Variants in ARHGAP6 observed in about 807,000 individuals in gnomAD.
The protein encoded by ARHGAP6 is rho GTPase-activating protein 6.
ARHGAP6 carries 16 observed loss-of-function variants against 55.7 expected under a neutral mutation model. The ratio of observed to expected loss-of-function variants is 0.29; its 90% CI spans 0.19 to 0.44. ARHGAP6 has a LOEUF of 0.44. Ranked by LOEUF, ARHGAP6 falls within the 20% of genes least tolerant of loss-of-function variation. The probability of loss-of-function intolerance (pLI) is 1.00; values close to 1 mark genes in which losing one functional copy is unlikely to be tolerated. For synonymous variants in ARHGAP6, 382 were observed against 360.9 expected (o/e 1.06, Z -0.66); for missense variants, 698 against 808.9 (o/e 0.86, Z 1.66).
chrX:11,167,130 A>G (rs1602761769), intron 9 of ARHGAP6, among the ~76,000 whole-genome samples: 1 of 112,159 alleles, frequency 8.9e-6, no homozygotes, highest in African/African-American at 3.2e-5. Context: ...TTCAACCAAT[A>G]TTTATTGTGT....
chrX:11,510,505 C>T (rs1160575427), intron 1 of ARHGAP6, among the ~76,000 whole-genome samples: 1 of 111,302 alleles, frequency 9.0e-6, no homozygotes, highest in African/African-American at 3.3e-5. Flanking sequence ...TACTCTTTTC[C>T]GTGTCACAGC....
chrX:11,489,363 G>T (rs1436604210), intron 1 of ARHGAP6, among the ~76,000 whole-genome samples: 1 of 111,649 alleles, frequency 9.0e-6, no homozygotes, highest in Non-Finnish European at 1.9e-5. Flanking sequence ...AGAAGGTAAG[G>T]AAAGAACGCT....
intron 1 of ARHGAP6, among the ~76,000 whole-genome samples, chrX:11,355,244 C>T (rs2048917790): frequency 8.9e-6 from 1 of 111,931 alleles, no homozygotes; most frequent in African/African-American, 3.2e-5. Flanking sequence ...TGGATTCCAC[C>T]CCAGCCAGAG....
chrX:11,280,434 G>A (rs920760701), intron 1 of ARHGAP6, among the ~76,000 whole-genome samples: 3 of 111,830 alleles, frequency 2.7e-5, no homozygotes, highest in Non-Finnish European at 5.6e-5. Context: ...GCTCACTAGA[G>A]CGTGACTGAA....
At chrX:11,429,705 T>G (rs906852867) in intron 1 of ARHGAP6, among the ~76,000 whole-genome samples, 1 of 111,411 alleles carries the variant, frequency 9.0e-6, no homozygotes, top group Non-Finnish European at 1.9e-5. Flanking sequence ...CTTGGAGGCC[T>G]TCCTTGCTCT....
At chrX:11,637,465 TTTCA>T (rs2052430820) in intron 1 of ARHGAP6, among the ~76,000 whole-genome samples, 1 of 111,957 alleles carries the variant, frequency 8.9e-6, no homozygotes, top group Non-Finnish European at 1.9e-5. Context: ...TAAATTTTGC[TTTCA>T]TTTTCATTCC....
intron 1 of ARHGAP6, among the ~76,000 whole-genome samples, chrX:11,432,008 A>G (rs2049944747): frequency 8.9e-6 from 1 of 111,869 alleles, no homozygotes; most frequent in Admixed American, 9.4e-5. Flanking sequence ...TCTACCCACT[A>G]CATGCCAGTA....
intron 1 of ARHGAP6, among the ~76,000 whole-genome samples, chrX:11,485,940 T>C (rs1332179579): frequency 8.9e-6 from 1 of 112,179 alleles, no homozygotes; most frequent in Non-Finnish European, 1.9e-5. Context: ...CTTTCTTTTA[T>C]ATGTAGAAGC....
intron 2 of ARHGAP6, among the ~76,000 whole-genome samples, chrX:11,213,331 C>A (rs1266485120): frequency 8.9e-6 from 1 of 112,412 alleles, no homozygotes; most frequent in Non-Finnish European, 1.9e-5. Context: ...ATTGTTGACT[C>A]CCTGCTATAG....
At chrX:11,540,306 T>C (rs1201632207) in intron 1 of ARHGAP6, among the ~76,000 whole-genome samples, 2 of 109,107 alleles carry the variant, frequency 1.8e-5, no homozygotes, top group African/African-American at 3.3e-5. Context: ...AGTGCAATAT[T>C]GAAAAGGTTT....
Position 11,186,267 on chromosome X carries a change from C to T in ARHGAP6, c.1242G>A (p.Val414=). 2.5e-6 allele frequency: 3 copies of T among 1,210,608 alleles called. No individual in the cohort carries two copies. Among genetic ancestry groups the T allele is most frequent in the Non-Finnish European group, 2.2e-6 (2 of 894,783 alleles). The change falls in exon 5 of 13, where the codon GTG becomes GTA. Residue 414 remains valine (V), a synonymous_variant. Transcript: ENST00000337414. ...TTTCTAGGTGCTGACAGCAGCTGTC[C>T]ACCAGCCTAGGGACCTGTCTGTAAA... ...NPIYRQVPRL[V]DSCCQHLEKH...
Position 11,551,064 on chromosome X carries a change from T to C in ARHGAP6, c.588+113177A>G, listed in dbSNP as rs769523644. On this transcript the variant is annotated intron_variant, in intron 1 of 12. Transcript: ENST00000337414. The stretch of plus-strand genomic sequence containing the variant: ...ACAAAAGTAGGGGAGAGAAGCAAGA[T>C]TCGGGAACTGGAGGAGTGGTTAGAA... Among the ~76,000 whole-genome samples the C allele has an allele frequency of 5.3e-4, 59 of 111,602 alleles. 1 individual carries two copies. Among genetic ancestry groups the C allele is most frequent in the African/African-American group, 1.9e-3 (59 of 30,740 alleles).
At chrX:11,266,059 G>T in intron 1 of ARHGAP6, 1 of 429,753 alleles carries the variant, frequency 2.3e-6, no homozygotes, top group Non-Finnish European at 3.0e-6. Context: ...GTGTGTGTGT[G>T]TGTGTGTGTG....
At chrX:11,542,878 A>T (rs1481021842) in intron 1 of ARHGAP6, among the ~76,000 whole-genome samples, 1 of 111,199 alleles carries the variant, frequency 9.0e-6, no homozygotes, top group Non-Finnish European at 1.9e-5. Flanking sequence ...AAGTTAGAAA[A>T]CCCTCCAAGC....
At chrX:11,468,006 A>G (rs1382796258) in intron 1 of ARHGAP6, among the ~76,000 whole-genome samples, 3 of 105,702 alleles carry the variant, frequency 2.8e-5, no homozygotes, top group Non-Finnish European at 5.9e-5. Context: ...AAATAAATAA[A>G]TAAATAAATA....
chrX:11,148,185 A>G (rs964448962), intron 10 of ARHGAP6, among the ~76,000 whole-genome samples: 2 of 111,797 alleles, frequency 1.8e-5, no homozygotes, highest in African/African-American at 6.5e-5. Context: ...CTCAGATTTG[A>G]CTCTAGGATA....
intron 1 of ARHGAP6, among the ~76,000 whole-genome samples, chrX:11,374,527 TTCTTC>T (rs112568907): frequency 5.6e-4 from 63 of 112,245 alleles, no homozygotes; most frequent in Middle Eastern, 4.6e-3. Flanking sequence ...CTGCAACCAT[TTCTTC>T]TCTTAATTCC....
chrX:11,293,729 C>T (rs776624092), intron 1 of ARHGAP6, among the ~76,000 whole-genome samples: 17 of 111,527 alleles, frequency 1.5e-4, no homozygotes, highest in African/African-American at 4.2e-4. Flanking sequence ...AATTAATTAT[C>T]GATTAAAGTA....
intron 10 of ARHGAP6, 50 bp downstream of exon 10, chrX:11,156,479 A>G: frequency 9.3e-7 from 1 of 1,069,733 alleles, no homozygotes. Context: ...CAGAAATGGA[A>G]ATAGAAATCT....
Sources: allele counts gnomAD v4.1 joint callset (sites outside exome capture counted in the v4.1 genomes callset), GRCh38; gene constraint gnomAD v4.1.1; transcripts MANE v1.5; gene names NCBI Gene and HGNC (gene_info 2026-07-23, HGNC 2026-07-21).